The following ZNF782 variants were observed in gnomAD, a reference collection of about 807,000 sequenced individuals.
ZNF782 encodes zinc finger protein 782.
A neutral mutation model predicts 13.0 loss-of-function variants in ZNF782; 12 were observed. That is an observed-to-expected ratio of 0.92 (90% CI 0.59 to 1.50). The LOEUF is 1.50. Among genes scored for constraint, ZNF782 ranks in the 40% most tolerant of loss-of-function variants. The pLI, the probability that ZNF782 is intolerant of heterozygous loss-of-function variation, is 0.00. For synonymous variants in ZNF782, 284 were observed against 283.0 expected (o/e 1.00, Z -0.04); for missense variants, 770 against 822.9 (o/e 0.94, Z 0.79).
At chr9:96,824,764 GACAA>G (rs1267043170) in intron 5 of ZNF782, among the ~76,000 whole-genome samples, 6 of 148,514 alleles carry the variant, frequency 4.0e-5, no homozygotes, top group African/African-American at 1.2e-4. Flanking sequence ...ACCAATAACA[GACAA>G]ACAGAGAGCC....
chr9:96,897,679 G>C, the ZNF782 span, among the ~76,000 whole-genome samples: 1 of 149,740 alleles, frequency 6.7e-6, no homozygotes, highest in Admixed American at 6.6e-5. Flanking sequence ...TGCTTGTCCC[G>C]GTGGTGCTCC....
the ZNF782 span, among the ~76,000 whole-genome samples, chr9:96,932,652 A>AC: frequency 2.3e-5 from 3 of 130,124 alleles, no homozygotes; most frequent in African/African-American, 8.5e-5. Flanking sequence ...CCAATCCTTA[A>AC]TTTTTTTTTT....
At chr9:96,824,778 C>A in intron 5 of ZNF782, among the ~76,000 whole-genome samples, 1 of 148,684 alleles carries the variant, frequency 6.7e-6, no homozygotes, top group African/African-American at 2.5e-5. Context: ...AACAGAGAGC[C>A]AAATCATGAG....
intron 5 of ZNF782, among the ~76,000 whole-genome samples, chr9:96,825,204 AG>A (rs1421577915): frequency 6.6e-6 from 1 of 151,792 alleles, no homozygotes; most frequent in Non-Finnish European, 1.5e-5. Context: ...GTACCAAAAC[AG>A]AGATATAGAT....
chr9:96,849,897 T>G (rs1332865412), intron 3 of ZNF782, among the ~76,000 whole-genome samples: 1 of 151,762 alleles, frequency 6.6e-6, no homozygotes, highest in Non-Finnish European at 1.5e-5. Flanking sequence ...AATAAACACA[T>G]GAAAAAAAAA....
the ZNF782 span, among the ~76,000 whole-genome samples, chr9:96,912,351 C>T: frequency 2.0e-5 from 3 of 148,344 alleles, no homozygotes; most frequent in African/African-American, 4.9e-5. Context: ...ATGGCGAAAC[C>T]CCGTCTCTAC....
intron 4 of ZNF782, among the ~76,000 whole-genome samples, chr9:96,838,872 C>T (rs930985556): frequency 2.6e-5 from 4 of 152,028 alleles, no homozygotes; most frequent in Middle Eastern, 3.4e-3. Context: ...CCCACCACCA[C>T]GCCTGGCTAA....
chr9:96,869,206 G>T (rs55731721), intron 1 of ZNF782, among the ~76,000 whole-genome samples: 12,142 of 151,930 alleles, frequency 0.08, 1,481 homozygotes, highest in African/African-American at 0.27. Context: ...TTGGCATGTA[G>T]TTTATGGTTT....
the ZNF782 span, among the ~76,000 whole-genome samples, chr9:96,920,566 C>CA: frequency 6.7e-6 from 1 of 148,784 alleles, no homozygotes; most frequent in Non-Finnish European, 1.5e-5. Context: ...GCGCCCAGCC[C>CA]AAAACCATTT....
At chr9:96,915,766 G>T in the ZNF782 span, among the ~76,000 whole-genome samples, 1 of 151,426 alleles carries the variant, frequency 6.6e-6, no homozygotes, top group Non-Finnish European at 1.5e-5. Context: ...CAGTGAGCAG[G>T]AGAAGCAGCT....
chr9:96,900,212 T>G, the ZNF782 span, among the ~76,000 whole-genome samples: 5 of 150,052 alleles, frequency 3.3e-5, no homozygotes, highest in Non-Finnish European at 5.9e-5. Flanking sequence ...AGCCCCAGGG[T>G]GGTGGCACCT....
chr9:96,918,437 T>C, the ZNF782 span, among the ~76,000 whole-genome samples: 1 of 150,528 alleles, frequency 6.6e-6, no homozygotes, highest in African/African-American at 2.4e-5. Context: ...CACTATATAT[T>C]GAGTAAGGAG....
intron 4 of ZNF782, among the ~76,000 whole-genome samples, chr9:96,828,454 CA>C (rs770918538): frequency 2.0e-5 from 3 of 152,120 alleles, no homozygotes; most frequent in Non-Finnish European, 4.4e-5. Context: ...ATCTAGCACC[CA>C]ACACAAAATT....
the ZNF782 span, among the ~76,000 whole-genome samples, chr9:96,901,363 C>G: frequency 6.7e-6 from 1 of 148,970 alleles, no homozygotes; most frequent in East Asian, 2.1e-4. Context: ...CCTCTGCCTC[C>G]CAGATTCAAG....
chr9:96,826,504 T>C (rs1310941737), intron 5 of ZNF782, among the ~76,000 whole-genome samples: 1 of 152,020 alleles, frequency 6.6e-6, no homozygotes, highest in African/African-American at 2.4e-5. Context: ...ACATATGTAC[T>C]AACCTGCACA....
chr9:96,910,196 G>A, the ZNF782 span: 19 of 793,260 alleles, frequency 2.4e-5, no homozygotes, highest in African/African-American at 2.5e-4. Flanking sequence ...GAATGCTAAT[G>A]AGGAAAATGG....
the ZNF782 span, among the ~76,000 whole-genome samples, chr9:96,881,366 C>G: frequency 6.6e-6 from 1 of 151,940 alleles, no homozygotes; most frequent in Non-Finnish European, 1.5e-5. Flanking sequence ...TAATTTGAGA[C>G]TTTTCCTTTT....
chr9:96,834,398 C>T (rs950816216), intron 4 of ZNF782, among the ~76,000 whole-genome samples: 6 of 152,190 alleles, frequency 3.9e-5, no homozygotes, highest in Non-Finnish European at 7.4e-5. Context: ...GTCAATTAAA[C>T]TTCTTTCCTT....
At chr9:96,914,220 C>T in the ZNF782 span, among the ~76,000 whole-genome samples, 1 of 151,624 alleles carries the variant, frequency 6.6e-6, no homozygotes, top group Non-Finnish European at 1.5e-5. Flanking sequence ...CTCCTGGGTT[C>T]AGGCAATTCT....
Sources: gnomAD v4.1 joint callset for allele counts (sites outside exome capture counted in the v4.1 genomes callset) on GRCh38, gnomAD v4.1.1 for gene constraint, MANE v1.5 for transcripts, NCBI Gene and HGNC (gene_info 2026-07-23, HGNC 2026-07-21) for gene names.